The following NKTR variants were observed in gnomAD, a reference collection of about 807,000 sequenced individuals.
NKTR encodes natural killer cell triggering receptor.
In NKTR, 67 loss-of-function variants were observed where a neutral mutation model predicts 156.3. The observed-to-expected ratio is 0.43, with a 90% CI of 0.35 to 0.53. The LOEUF is 0.53. Among genes scored for constraint, NKTR ranks in the 20% least tolerant of loss-of-function variants. The pLI, the probability that NKTR is intolerant of heterozygous loss-of-function variation, is 0.01. For missense variants in NKTR, 1,604 were observed against 1,730.9 expected, an observed-to-expected ratio of 0.93 and a Z score of 1.30; for synonymous variants, 640 against 596.6, an observed-to-expected ratio of 1.07 and a Z score of -1.06.
rs944202447 is a variant in NKTR, at chr3:42,635,136, G to A, written c.1018-85G>A. 7.1e-6 allele frequency: 7 copies of A among 980,330 alleles called. No individual in the cohort carries two copies. In the East Asian group the frequency reaches 1.6e-4, roughly 23 times the overall value. The allele number at this position is 980,330 out of a possible 1,614,324, so 60.7% of individuals were successfully genotyped here. A position where few individuals can be genotyped will look rare whatever the true frequency, so the allele number is the denominator to read the frequency against. ...CATTACCTTTGATGGGATGATCTGAGATTGGGTCTTTTACTTAACTCTGTC... is the reference window on the plus strand; with the variant it reads ...CATTACCTTTGATGGGATGATCTGAAATTGGGTCTTTTACTTAACTCTGTC... On this transcript the variant is annotated intron_variant, in intron 11 of 16. Transcript: ENST00000232978.
At chr3:42,622,734 A>G (rs947153428) in intron 6 of NKTR, among the ~76,000 whole-genome samples, 1 of 152,028 alleles carries the variant, frequency 6.6e-6, no homozygotes, top group Admixed American at 6.6e-5. Context: ...AACCTTCTTA[A>G]GAGCCAATAC....
intron 5 of NKTR, chr3:42,620,968 T>C (rs570524892): frequency 2.2e-6 from 2 of 924,302 alleles, no homozygotes; most frequent in South Asian, 5.0e-5. Context: ...TGTCTTACAG[T>C]CTAGCTTCAA....
At position 42,638,688 on chromosome 3, in the gene NKTR, AGAAATT is replaced by A; in HGVS notation, c.2989_2994del (p.Leu997_Lys998del). The A allele has an allele frequency of 1.2e-6, 2 of 1,611,996 alleles. No homozygotes were observed. Among genetic ancestry groups the A allele is most frequent in the Non-Finnish European group, 1.7e-6 (2 of 1,179,582 alleles). ...AGAGAACACACCAAAAAAGTGAAAG[AGAAATT>A]GAAAGGGAAAAAAGACAAAAAGCAT... On this transcript the variant is annotated inframe_deletion, in exon 13 of 17. Transcript: ENST00000232978.
In NKTR at chr3:42,637,754, A is replaced by G. The variant is rs764377174; in HGVS notation, c.2050A>G (p.Arg684Gly). Residue 684 changes from arginine to glycine, a missense_variant, in exon 13 of 17, where the codon AGA becomes GGA. Transcript: ENST00000232978. ...DQSTYSKYSDRSSESSPRSRS... is the reference protein window; with the variant it reads ...DQSTYSKYSDGSSESSPRSRS... Reference sequence around the variant, plus strand: ...GAGCACTTATTCAAAATACAGTGATAGAAGTTCAGAAAGCTCACCAAGGTC... The same window carrying G: ...GAGCACTTATTCAAAATACAGTGATGGAAGTTCAGAAAGCTCACCAAGGTC... 18 of 1,613,720 alleles carry G rather than the reference A, an allele frequency of 1.1e-5. No individual in the cohort carries two copies. Among genetic ancestry groups the G allele is most frequent in the East Asian group, 2.2e-5 (1 of 44,898 alleles).
At chr3:42,621,126 GA>G in intron 5 of NKTR, 1 of 994,706 alleles carries the variant, frequency 1.0e-6, no homozygotes, top group Non-Finnish European at 1.2e-6. Context: ...AGTTTTCCCT[GA>G]AAGTTAATAA....
intron 5 of NKTR, chr3:42,620,265 T>G: frequency 8.0e-7 from 1 of 1,252,074 alleles, no homozygotes; most frequent in Middle Eastern, 2.2e-4. Context: ...GTGGGGTTTT[T>G]TTTCCCCTAA....
At chr3:42,621,649 A>T (rs773607526) in intron 6 of NKTR, 133 bp downstream of exon 6, 40 of 903,342 alleles carry the variant, frequency 4.4e-5, no homozygotes, top group Non-Finnish European at 6.4e-5. Flanking sequence ...TTCTAATATC[A>T]TAGTAACTTA....
rs771458881 is a variant in NKTR, at chr3:42,639,254, GA to G, written c.3553del (p.Ser1185ValfsTer67). 1 of 1,614,188 alleles carries G rather than the reference GA, an allele frequency of 6.2e-7. No individual in the cohort carries two copies. The highest frequency in any genetic ancestry group is 1.7e-5 in the Admixed American group (1 of 60,026). ...EVVKQESSMSESKVLGEVGKQ... is the reference protein window; with the variant it reads ...EVVKQESSMSXSKVLGEVGKQ... ...AGTAAAACAGGAAAGCAGCATGTCC[GA>G]AAGTAAAGTGTTGGGTGAAGTGGGG... On this transcript the variant is annotated frameshift_variant, in exon 13 of 17. Coordinates refer to ENST00000232978, the MANE Select transcript of NKTR (RefSeq NM_005385.4). LOFTEE classifies it high-confidence loss of function.
At chr3:42,615,055 A>C (rs1707214396) in intron 2 of NKTR, among the ~76,000 whole-genome samples, 2 of 151,662 alleles carry the variant, frequency 1.3e-5, no homozygotes, top group Non-Finnish European at 2.9e-5. Context: ...GAAGAGGGTA[A>C]GATATTAGAG....
chr3:42,646,209 A>G lies in NKTR; in HGVS notation c.*234A>G, dbSNP rs1453379936. On this transcript the variant is annotated 3_prime_UTR_variant, in exon 17 of 17. Coordinates refer to ENST00000232978, the MANE Select transcript of NKTR (RefSeq NM_005385.4). ...GTAGCCAACTATGGAAATGAATTTC[A>G]TTTTCTTGAATCAAGAAATCGTGAA... 1 of 365,272 alleles carries G rather than the reference A, an allele frequency of 2.7e-6. No homozygotes were observed. The highest frequency in any genetic ancestry group is 5.1e-6 in the Non-Finnish European group (1 of 196,476). 22.6% of individuals were successfully genotyped at this position (365,272 alleles called of 1,614,324 possible).
At chr3:42,604,442 C>A (rs1705982697) in intron 2 of NKTR, among the ~76,000 whole-genome samples, 1 of 151,634 alleles carries the variant, frequency 6.6e-6, no homozygotes, top group Admixed American at 6.6e-5. Flanking sequence ...AGAGAACACA[C>A]ATGATTTCCG....
chr3:42,621,735 A>T (rs1470733198), intron 6 of NKTR, among the ~76,000 whole-genome samples: 3 of 151,956 alleles, frequency 2.0e-5, no homozygotes, highest in African/African-American at 7.2e-5. Context: ...TTTAAAACTT[A>T]TACATTGTTT....
intron 3 of NKTR, 119 bp downstream of exon 3, chr3:42,617,763 A>G (rs1464306269): frequency 5.1e-6 from 3 of 582,996 alleles, no homozygotes; most frequent in Non-Finnish European, 9.1e-6. Context: ...GAATTAAAAA[A>G]AAAAAAGAGT....
Position 42,637,989 on chromosome 3 carries a change from G to A in NKTR, c.2285G>A (p.Ser762Asn). ...CGAGCTAAGAGGAGACTTAGATCCA[G>A]TGGGAAAAAAAATAGCGTTTCACAT... ...GRRAKRRLRS[S>N]GKKNSVSHKK... Residue 762 changes from serine (S) to asparagine (N), a missense_variant, in exon 13 of 17, where the codon AGT (serine) becomes AAT (asparagine). Transcript: ENST00000232978. 3 of 1,613,982 alleles carry A rather than the reference G, an allele frequency of 1.9e-6. No homozygotes were observed. Among genetic ancestry groups the A allele is most frequent in the African/African-American group, 1.3e-5 (1 of 75,032 alleles).
intron 8 of NKTR, among the ~76,000 whole-genome samples, chr3:42,632,329 C>T (rs1026185339): frequency 6.6e-6 from 1 of 151,954 alleles, no homozygotes. Context: ...CCTTGGCCTC[C>T]CACAGTGTTA....
intron 16 of NKTR, 102 bp from the exon 17 acceptor site, chr3:42,645,786 C>G (rs73085333): frequency 3.0e-6 from 2 of 656,994 alleles, no homozygotes; most frequent in Middle Eastern, 3.5e-4. Context: ...CTTGAAAACA[C>G]TATTGATGTT....
Position 42,632,596 on chromosome 3 carries a change from A to C in NKTR, c.551-5A>C, listed in dbSNP as rs1358636342. 3 of 1,581,790 alleles carry C rather than the reference A, an allele frequency of 1.9e-6. No individual in the cohort carries two copies. In the East Asian group the frequency reaches 6.7e-5, roughly 35 times the overall value. ...ACTAATGTTTTTATTAATGTTTCTT[A>C]AAAGTTTTTGAGAAAAAAAGGAAGA... On this transcript the variant is annotated splice_region_variant and splice_polypyrimidine_tract_variant and intron_variant, in intron 8 of 16. Transcript: ENST00000232978.
chr3:42,635,646 G>A (rs562946127), intron 12 of NKTR, among the ~76,000 whole-genome samples: 2 of 152,312 alleles, frequency 1.3e-5, no homozygotes, highest in Admixed American at 6.5e-5. Context: ...GAGGCCGGGC[G>A]TGGTGGCTCA....
At chr3:42,607,643 C>G (rs1706352150) in intron 2 of NKTR, among the ~76,000 whole-genome samples, 1 of 151,996 alleles carries the variant, frequency 6.6e-6, no homozygotes, top group Non-Finnish European at 1.5e-5. Flanking sequence ...AGAAGGAACT[C>G]AAATGCTAAT....
Sources: allele counts gnomAD v4.1 joint callset (sites outside exome capture counted in the v4.1 genomes callset), GRCh38; gene constraint gnomAD v4.1.1; transcripts MANE v1.5; gene names NCBI Gene and HGNC (gene_info 2026-07-23, HGNC 2026-07-21).